THSD4: variants seen among roughly 807,000 people sequenced by gnomAD.
The protein encoded by THSD4 is thrombospondin type-1 domain-containing protein 4.
THSD4 carries 69 observed loss-of-function variants against 119.0 expected under a neutral mutation model. The observed-to-expected ratio is 0.58, with a 90% CI of 0.48 to 0.71. The LOEUF is 0.71. Among genes scored for constraint, THSD4 ranks in the 30% least tolerant of loss-of-function variants. THSD4 has a pLI of 0.00. For missense variants in THSD4, 1,393 were observed against 1,391.1 expected, an observed-to-expected ratio of 1.00 and a Z score of -0.02; for synonymous variants, 524 against 540.4, an observed-to-expected ratio of 0.97 and a Z score of 0.42.
At chr15:71,558,444 GTT>G (rs2049056820) in intron 7 of THSD4, among the ~76,000 whole-genome samples, 1 of 152,098 alleles carries the variant, frequency 6.6e-6, no homozygotes, top group South Asian at 2.1e-4. Context: ...CATCTCTTAA[GTT>G]TTGATATACA....
At chr15:71,243,781 CTTTTTTT>C (rs34842560) in intron 5 of THSD4, among the ~76,000 whole-genome samples, 2 of 104,946 alleles carry the variant, frequency 1.9e-5, no homozygotes, top group African/African-American at 7.2e-5. Flanking sequence ...GTGCTCAGCA[CTTTTTTT>C]TTTTTTTTTT....
intron 6 of THSD4, among the ~76,000 whole-genome samples, chr15:71,267,524 A>T (rs2044477196): frequency 6.6e-6 from 1 of 152,258 alleles, no homozygotes; most frequent in Admixed American, 6.5e-5. Context: ...AATTGTAAAG[A>T]ACATCGATAC....
intron 3 of THSD4, among the ~76,000 whole-genome samples, chr15:71,199,982 T>C (rs1191475667): frequency 6.9e-6 from 1 of 144,286 alleles, no homozygotes; most frequent in Non-Finnish European, 1.5e-5. Context: ...TGGGCAAAAC[T>C]GCCTCTGGTT....
chr15:71,713,468 G>T (rs965732114), intron 8 of THSD4, among the ~76,000 whole-genome samples: 15 of 152,226 alleles, frequency 9.9e-5, no homozygotes, highest in African/African-American at 3.4e-4. Context: ...TTCTGAAAAA[G>T]AGATATAGTG....
At chr15:71,427,087 A>G (rs2046880106) in intron 7 of THSD4, among the ~76,000 whole-genome samples, 1 of 152,186 alleles carries the variant, frequency 6.6e-6, no homozygotes, top group Admixed American at 6.5e-5. Context: ...TGTAGTTTAG[A>G]AAAATTATCT....
intron 6 of THSD4, among the ~76,000 whole-genome samples, chr15:71,296,565 G>A (rs185509722): frequency 4.6e-5 from 7 of 152,258 alleles, no homozygotes; most frequent in Admixed American, 4.6e-4. Context: ...CGCAGAGCAG[G>A]GCTGAGGGAG....
chr15:71,172,820 T>G (rs1333961455), intron 3 of THSD4, among the ~76,000 whole-genome samples: 1 of 148,766 alleles, frequency 6.7e-6, no homozygotes, highest in African/African-American at 2.5e-5. Context: ...TGCAAAAACA[T>G]GAACTTCAAT....
At chr15:71,605,547 G>A (rs2050092869) in intron 7 of THSD4, among the ~76,000 whole-genome samples, 1 of 152,240 alleles carries the variant, frequency 6.6e-6, no homozygotes, top group African/African-American at 2.4e-5. Flanking sequence ...GGACCACATG[G>A]CAGCAGTGGC....
intron 6 of THSD4, among the ~76,000 whole-genome samples, chr15:71,377,761 C>G (rs945521193): frequency 5.3e-5 from 8 of 152,092 alleles, no homozygotes; most frequent in African/African-American, 1.9e-4. Context: ...GCAGGTCATC[C>G]TGGGCCTGAG....
At position 71,674,670 on chromosome 15, in the gene THSD4, A is replaced by G. The variant is rs559327904; in HGVS notation, c.1357+13936A>G. 1.1e-4 allele frequency among the ~76,000 whole-genome samples: 16 copies of G among 152,154 alleles called. No homozygotes were observed. In the South Asian group the frequency reaches 2.1e-3, roughly 20 times the overall value. On this transcript the variant is annotated intron_variant, in intron 8 of 17. Transcript: ENST00000261862. ...TTTCAGGATAAAAGGCCTTTTCCCT[A>G]TGTCAGTAGGTGTCAACTAGGGACT...
At chr15:71,109,694 C>A (rs1309228040) in intron 1 of THSD4, among the ~76,000 whole-genome samples, 2 of 150,586 alleles carry the variant, frequency 1.3e-5, no homozygotes. Context: ...AAGTGTCCAC[C>A]ATCACACACA....
chr15:71,211,998 C>T (rs1444270692), intron 3 of THSD4, among the ~76,000 whole-genome samples: 4 of 152,148 alleles, frequency 2.6e-5, no homozygotes, highest in Non-Finnish European at 1.5e-5. Context: ...TCTTGCCTTA[C>T]AGAAAACTCC....
chr15:71,542,380 A>G (rs1006643906), intron 7 of THSD4, among the ~76,000 whole-genome samples: 1 of 152,196 alleles, frequency 6.6e-6, no homozygotes, highest in African/African-American at 2.4e-5. Flanking sequence ...TGAATAGGCT[A>G]TGGAAAAGGA....
intron 3 of THSD4, among the ~76,000 whole-genome samples, chr15:71,196,264 C>T (rs1035315606): frequency 6.6e-6 from 1 of 152,168 alleles, no homozygotes; most frequent in African/African-American, 2.4e-5. Flanking sequence ...ACATTGGCAG[C>T]ACCTGAATTT....
At chr15:71,238,313 G>T (rs536795710) in intron 4 of THSD4, among the ~76,000 whole-genome samples, 1 of 152,190 alleles carries the variant, frequency 6.6e-6, no homozygotes, top group Admixed American at 6.5e-5. Flanking sequence ...ACTTTATTGA[G>T]ATATAACTTA....
At position 71,306,329 on chromosome 15, in the gene THSD4, AAAAAAAAAAG is replaced by A. The variant is rs1351617963; in HGVS notation, c.1015+49615_1015+49624del. On this transcript the variant is annotated intron_variant, in intron 6 of 17. Transcript: ENST00000261862. The stretch of plus-strand genomic sequence containing the variant: ...CCTCAAAAAAAAAAAAAAAAAAAAA[AAAAAAAAAAG>A]GGAATGGTATTATATATTTTTTGAT... Among the ~76,000 whole-genome samples, 78 of 150,258 alleles carry A rather than the reference AAAAAAAAAAG, an allele frequency of 5.2e-4. 1 individual carries two copies. Among genetic ancestry groups the A allele is most frequent in the Non-Finnish European group, 1.0e-4 (7 of 67,704 alleles).
chr15:71,215,023 C>G lies in THSD4; in HGVS notation c.100-12C>G. The G allele has an allele frequency of 7.9e-7, 1 of 1,258,440 alleles. No homozygotes were observed. Among genetic ancestry groups the G allele is most frequent in the South Asian group, 3.3e-5 (1 of 30,308 alleles). The allele number at this position is 1,258,440 out of a possible 1,614,324, so 78.0% of individuals were successfully genotyped here. On this transcript the variant is annotated splice_polypyrimidine_tract_variant and intron_variant, in intron 3 of 17. Coordinates refer to ENST00000261862, the MANE Select transcript of THSD4 (RefSeq NM_024817.3). ...GGTGTTCTGGTCCCCTAACCTGCCT[C>G]TGTCTCCGCAGGTCCCGCAGCGGAT...
At position 71,305,351 on chromosome 15, in the gene THSD4, A is replaced by T. The variant is rs1242459032; in HGVS notation, c.1015+48636A>T. Among the ~76,000 whole-genome samples the T allele has an allele frequency of 2.0e-5, 3 of 152,334 alleles. No homozygotes were observed. The East Asian group carries it at 5.8e-4, about 29-fold the overall frequency. On this transcript the variant is annotated intron_variant, in intron 6 of 17. Transcript: ENST00000261862. ...AAAGATGAAGATATATTCAATTATC[A>T]TCAAACCCCAGGCTCTTGATGTGGG...
intron 8 of THSD4, among the ~76,000 whole-genome samples, chr15:71,682,877 T>TTCTTC (rs141597291): frequency 7.7e-4 from 14 of 18,168 alleles, no homozygotes; most frequent in East Asian, 1.9e-3. Context: ...TCTTTCTTTC[T>TTCTTC]TTCTTTCTTT....
Sources: allele counts gnomAD v4.1 joint callset (sites outside exome capture counted in the v4.1 genomes callset), GRCh38; gene constraint gnomAD v4.1.1; transcripts MANE v1.5; gene names NCBI Gene and HGNC (gene_info 2026-07-23, HGNC 2026-07-21).